The following GUCY1A1 variants were observed in gnomAD, a reference collection of about 807,000 sequenced individuals.
GUCY1A1 encodes the protein guanylate cyclase soluble subunit alpha-1.
In GUCY1A1, 48 loss-of-function variants were observed where a neutral mutation model predicts 64.5. That is an observed-to-expected ratio of 0.74 (90% CI 0.59 to 0.95). The LOEUF is 0.95. Ranked by LOEUF, GUCY1A1 falls within the 40% of genes least tolerant of loss-of-function variation. The pLI is 0.00. For missense variants in GUCY1A1, 804 were observed against 825.3 expected, an observed-to-expected ratio of 0.97 and a Z score of 0.32; for synonymous variants, 308 against 303.4, an observed-to-expected ratio of 1.02 and a Z score of -0.16.
intron 2 of GUCY1A1, among the ~76,000 whole-genome samples, chr4:155,695,821 C>A (rs903352311): frequency 6.6e-6 from 1 of 152,118 alleles, no homozygotes; most frequent in Admixed American, 6.6e-5. Context: ...CTTTGTTTTT[C>A]TTCCCCAAGA....
chr4:155,721,224 G>C (rs1733919615), intron 8 of GUCY1A1, among the ~76,000 whole-genome samples: 1 of 152,034 alleles, frequency 6.6e-6, no homozygotes, highest in Admixed American at 6.6e-5. Flanking sequence ...TGATGGTACC[G>C]CTGCACTACA....
intron 2 of GUCY1A1, among the ~76,000 whole-genome samples, chr4:155,683,997 T>G (rs1295164102): frequency 6.6e-6 from 1 of 152,180 alleles, no homozygotes; most frequent in Non-Finnish European, 1.5e-5. Context: ...GCCACATCAC[T>G]GAAGTCTGCA....
At chr4:155,709,420 T>C (rs1344792920) in intron 5 of GUCY1A1, among the ~76,000 whole-genome samples, 1 of 152,248 alleles carries the variant, frequency 6.6e-6, no homozygotes, top group Non-Finnish European at 1.5e-5. Context: ...ATAACATTTA[T>C]ATTTTCTATA....
chr4:155,670,311 A>G (rs946516233), intron 2 of GUCY1A1, among the ~76,000 whole-genome samples: 1 of 152,160 alleles, frequency 6.6e-6, no homozygotes, highest in African/African-American at 2.4e-5. Context: ...GACCATCTAC[A>G]TTCATTCTGC....
intron 9 of GUCY1A1, among the ~76,000 whole-genome samples, chr4:155,724,917 C>T (rs914600609): frequency 2.0e-5 from 3 of 151,968 alleles, no homozygotes; most frequent in Non-Finnish European, 4.4e-5. Context: ...TGATGAAATC[C>T]ACTTCCCACC....
intron 7 of GUCY1A1, among the ~76,000 whole-genome samples, chr4:155,714,480 G>T (rs1381975233): frequency 6.6e-6 from 1 of 152,200 alleles, no homozygotes; most frequent in African/African-American, 2.4e-5. Flanking sequence ...CTAATGAAGA[G>T]ATTTCAAGTT....
intron 8 of GUCY1A1, among the ~76,000 whole-genome samples, chr4:155,718,854 T>C (rs938700669): frequency 2.0e-5 from 3 of 152,104 alleles, no homozygotes; most frequent in Non-Finnish European, 2.9e-5. Flanking sequence ...AGCCCAAGAA[T>C]CAATAGGAGG....
At chr4:155,682,011 T>C (rs1735842413) in intron 2 of GUCY1A1, among the ~76,000 whole-genome samples, 1 of 152,202 alleles carries the variant, frequency 6.6e-6, no homozygotes, top group African/African-American at 2.4e-5. Context: ...GCTATATCTT[T>C]CTACACAAAA....
At chr4:155,725,537 G>A (rs1734546683) in intron 9 of GUCY1A1, among the ~76,000 whole-genome samples, 1 of 152,036 alleles carries the variant, frequency 6.6e-6, no homozygotes, top group Admixed American at 6.6e-5. Context: ...TGTGCATACT[G>A]AGGAATCCTA....
rs758601098 is a variant in GUCY1A1 at position 155,710,601 on chromosome 4, G to A, written c.436G>A (p.Glu146Lys). 14 of 1,612,924 alleles carry A rather than the reference G, an allele frequency of 8.7e-6. No individual in the cohort carries two copies. In the East Asian group the frequency reaches 1.3e-4, roughly 15 times the overall value. The change falls in exon 6 of 10, where the codon GAG (glutamate) becomes AAG (lysine). Residue 146 changes from glutamate (E) to lysine (K), a missense_variant. Physicochemically the swap from Glu to Lys is moderately conservative, Grantham distance 56 (BLOSUM62 1). Coordinates refer to ENST00000506455, the MANE Select transcript of GUCY1A1 (RefSeq NM_001130682.3). ...TGAAGAGGTTTTTAAAATATGTTACGAGGAAGATGAAAACATCCTTGGGGT... is the reference window on the plus strand; with the variant it reads ...TGAAGAGGTTTTTAAAATATGTTACAAGGAAGATGAAAACATCCTTGGGGT... The part of the protein sequence containing the change: ...LGEEVFKICY[E>K]EDENILGVVG...
chr4:155,730,094 T>G lies in GUCY1A1; in HGVS notation c.1936T>G (p.Phe646Val). 6.2e-7 allele frequency: 1 copy of G among 1,611,358 alleles called. No homozygotes were observed. Among genetic ancestry groups the G allele is most frequent in the Non-Finnish European group, 8.5e-7 (1 of 1,177,958 alleles). Residue 646 changes from phenylalanine to valine, a missense_variant, in exon 10 of 10, where the codon TTC becomes GTC. Transcript: ENST00000506455. ...ATCAAGGGAGGAACTTCCACCAAAC[T>G]TCCCTAGTGAAATCCCCGGAATCTG... ...PRSREELPPNFPSEIPGICHF... is the reference protein window; with the variant it reads ...PRSREELPPNVPSEIPGICHF...
At chr4:155,706,743 G>A (rs1021472109) in intron 4 of GUCY1A1, among the ~76,000 whole-genome samples, 1 of 152,116 alleles carries the variant, frequency 6.6e-6, no homozygotes, top group Non-Finnish European at 1.5e-5. Flanking sequence ...ATTTTTTGAA[G>A]GTGAGGGTAG....
chr4:155,732,649 A>G lies in GUCY1A1; in HGVS notation c.*2418A>G, dbSNP rs563926480. Among the ~76,000 whole-genome samples the G allele has an allele frequency of 1.3e-4, 20 of 151,984 alleles. No individual in the cohort carries two copies. The highest frequency in any genetic ancestry group is 2.5e-4 in the Non-Finnish European group (17 of 67,864). ...AAAATAAATAAGGGGCCCAAGTCAG[A>G]GCTTTGAGGTATTGAAGATGGAAAA... On this transcript the variant is annotated 3_prime_UTR_variant, in exon 10 of 10. Transcript: ENST00000506455.
chr4:155,702,961 T>C (rs1374432072), intron 3 of GUCY1A1, among the ~76,000 whole-genome samples: 2 of 150,280 alleles, frequency 1.3e-5, no homozygotes, highest in Non-Finnish European at 3.0e-5. Flanking sequence ...AATGGTTCTA[T>C]ATATATAATA....
intron 3 of GUCY1A1, among the ~76,000 whole-genome samples, chr4:155,699,398 A>C (rs1730807468): frequency 6.6e-6 from 1 of 152,178 alleles, no homozygotes; most frequent in African/African-American, 2.4e-5. Context: ...ATGTACTGAA[A>C]GACTAGGATG....
chr4:155,684,303 A>G (rs1043588417), intron 2 of GUCY1A1, among the ~76,000 whole-genome samples: 2 of 152,188 alleles, frequency 1.3e-5, no homozygotes, highest in African/African-American at 4.8e-5. Context: ...GTATATGTTC[A>G]GAAGTCCAAA....
At position 155,716,315 on chromosome 4, in the gene GUCY1A1, G is replaced by A. The variant is rs890589841; in HGVS notation, c.1573-844G>A. Among the ~76,000 whole-genome samples the A allele has an allele frequency of 1.3e-5, 2 of 152,050 alleles. 1 individual carries two copies. Among genetic ancestry groups the A allele is most frequent in the Admixed American group, 1.3e-4 (2 of 15,266 alleles). ...CATCCTTTCACAATTGAGGCTTTGT[G>A]TAAGAATAATAGGGTCTTATAGTTA... is the stretch of plus-strand genomic sequence containing the variant. On this transcript the variant is annotated intron_variant, in intron 7 of 9. Transcript: ENST00000506455.
chr4:155,710,516 G>A, intron 5 of GUCY1A1, 26 bp from the exon 6 acceptor site: 1 of 1,313,258 alleles, frequency 7.6e-7, no homozygotes, highest in East Asian at 2.3e-5. Context: ...ATTTGATATG[G>A]CAGAACATGT....
At chr4:155,675,185 A>T (rs1578996955) in intron 2 of GUCY1A1, among the ~76,000 whole-genome samples, 1 of 151,678 alleles carries the variant, frequency 6.6e-6, no homozygotes, top group East Asian at 1.9e-4. Flanking sequence ...GCAGCTTCAA[A>T]TATGCTCATT....
Sources: gnomAD v4.1 joint callset for allele counts (sites outside exome capture counted in the v4.1 genomes callset) on GRCh38, gnomAD v4.1.1 for gene constraint, MANE v1.5 for transcripts, NCBI Gene and HGNC (gene_info 2026-07-23, HGNC 2026-07-21) for gene names.